TENM2: variants seen among roughly 807,000 people sequenced by gnomAD.
The protein encoded by TENM2 is teneurin-2.
TENM2 carries 52 observed loss-of-function variants against 245.2 expected under a neutral mutation model. That is an observed-to-expected ratio of 0.21 (90% CI 0.17 to 0.27). The LOEUF (loss-of-function observed/expected upper bound fraction) is 0.27, where lower values mean the gene tolerates loss of function less well. Among genes scored for constraint, TENM2 ranks in the 10% least tolerant of loss-of-function variants. The pLI is 1.00. For synonymous variants in TENM2, 1,363 were observed against 1,438.9 expected (o/e 0.95, Z 1.19); for missense variants, 3,046 against 3,666.8 (o/e 0.83, Z 4.37).
At chr5:167,892,534 A>G (rs1774846132) in intron 3 of TENM2, among the ~76,000 whole-genome samples, 2 of 152,222 alleles carry the variant, frequency 1.3e-5, no homozygotes, top group African/African-American at 4.8e-5. Flanking sequence ...ACAGAATGGC[A>G]TGGCATATGC....
the TENM2 span, among the ~76,000 whole-genome samples, chr5:167,032,418 A>AT: frequency 6.6e-6 from 1 of 152,022 alleles, no homozygotes; most frequent in Non-Finnish European, 1.5e-5. Flanking sequence ...GGTAGGAGGG[A>AT]TTTTTGAAGG....
chr5:167,583,755 T>C (rs1170701534), intron 2 of TENM2, among the ~76,000 whole-genome samples: 4 of 152,156 alleles, frequency 2.6e-5, no homozygotes. Flanking sequence ...ATACAGCATC[T>C]CCCCTGCCTC....
chr5:167,881,525 C>G (rs1167092597), intron 3 of TENM2, among the ~76,000 whole-genome samples: 1 of 152,136 alleles, frequency 6.6e-6, no homozygotes, highest in Admixed American at 6.5e-5. Context: ...ATTTTTCACT[C>G]TTGATTTTGG....
chr5:168,261,333 C>T (rs540784186), intron 28 of TENM2, among the ~76,000 whole-genome samples: 11 of 152,286 alleles, frequency 7.2e-5, no homozygotes, highest in African/African-American at 2.6e-4. Context: ...TGCCTCAAAG[C>T]CAGGGGATAT....
At chr5:167,381,889 A>C (rs1761114686) in intron 2 of TENM2, among the ~76,000 whole-genome samples, 1 of 152,176 alleles carries the variant, frequency 6.6e-6, no homozygotes, top group African/African-American at 2.4e-5. Context: ...CTAAATTTCT[A>C]AAATGGTTTT....
At chr5:167,837,608 T>C (rs190961466) in intron 2 of TENM2, among the ~76,000 whole-genome samples, 3 of 152,360 alleles carry the variant, frequency 2.0e-5, no homozygotes, top group African/African-American at 7.2e-5. Flanking sequence ...GTGAATGGCA[T>C]GTTCACCCCA....
the TENM2 span, among the ~76,000 whole-genome samples, chr5:167,140,786 CA>C: frequency 6.6e-6 from 1 of 152,034 alleles, no homozygotes; most frequent in Non-Finnish European, 1.5e-5. Context: ...CAAGGCTTCA[CA>C]AGATGAGAGA....
intron 24 of TENM2, among the ~76,000 whole-genome samples, chr5:168,226,729 C>CTCTT (rs1231393327): frequency 6.6e-6 from 1 of 152,190 alleles, no homozygotes; most frequent in Non-Finnish European, 1.5e-5. Flanking sequence ...GGGACTGGAG[C>CTCTT]TCTTTAACAT....
intron 3 of TENM2, among the ~76,000 whole-genome samples, chr5:167,914,860 G>T (rs770183941): frequency 2.6e-5 from 4 of 152,066 alleles, no homozygotes; most frequent in Non-Finnish European, 5.9e-5. Context: ...GCATCTTTAC[G>T]TGGCTGTCTT....
At chr5:168,120,875 C>A (rs1795421286) in intron 10 of TENM2, among the ~76,000 whole-genome samples, 1 of 152,154 alleles carries the variant, frequency 6.6e-6, no homozygotes. Context: ...GTTTTTCCTG[C>A]ATAAACATGG....
the TENM2 span, among the ~76,000 whole-genome samples, chr5:167,056,846 C>A: frequency 6.6e-6 from 1 of 151,342 alleles, no homozygotes; most frequent in East Asian, 1.9e-4. Flanking sequence ...GTTTTCCAAG[C>A]TTCCTGGGTC....
chr5:167,707,138 TG>T (rs1341214029), intron 2 of TENM2, among the ~76,000 whole-genome samples: 5 of 152,224 alleles, frequency 3.3e-5, no homozygotes, highest in Admixed American at 6.5e-5. Context: ...AGTGTGGTTT[TG>T]ATTTGTATTT....
At chr5:167,278,225 G>T in the TENM2 span, among the ~76,000 whole-genome samples, 2 of 152,274 alleles carry the variant, frequency 1.3e-5, no homozygotes, top group African/African-American at 4.8e-5. Context: ...GATCGCTTGT[G>T]TCTGGGAAGT....
chr5:167,676,856 G>A (rs954957030), intron 2 of TENM2, among the ~76,000 whole-genome samples: 1 of 152,036 alleles, frequency 6.6e-6, no homozygotes, highest in African/African-American at 2.4e-5. Context: ...ATTATACTGG[G>A]TCTTTCTTTG....
At chr5:167,274,350 T>C in the TENM2 span, among the ~76,000 whole-genome samples, 1 of 152,294 alleles carries the variant, frequency 6.6e-6, no homozygotes, top group East Asian at 1.9e-4. Flanking sequence ...TCCTTTTCAC[T>C]GCTAAGCAGT....
At chr5:167,526,820 T>G (rs1382645301) in intron 2 of TENM2, among the ~76,000 whole-genome samples, 2 of 152,106 alleles carry the variant, frequency 1.3e-5, no homozygotes, top group African/African-American at 2.4e-5. Flanking sequence ...GAAATCTCAT[T>G]CAGTGTCTGT....
At chr5:167,173,981 T>C in the TENM2 span, among the ~76,000 whole-genome samples, 26 of 152,172 alleles carry the variant, frequency 1.7e-4, no homozygotes. Flanking sequence ...AAAAATATAA[T>C]AATGTAGAGA....
intron 2 of TENM2, among the ~76,000 whole-genome samples, chr5:167,655,276 G>A (rs1277539117): frequency 1.3e-5 from 2 of 151,372 alleles, no homozygotes; most frequent in African/African-American, 4.9e-5. Context: ...AAGTAATAAG[G>A]CATAAATAAA....
chr5:167,015,434 A>G, the TENM2 span, among the ~76,000 whole-genome samples: 1 of 152,178 alleles, frequency 6.6e-6, no homozygotes, highest in Non-Finnish European at 1.5e-5. Context: ...ATCACCTTTT[A>G]AACAAGGCAC....
Sources: allele counts gnomAD v4.1 joint callset (sites outside exome capture counted in the v4.1 genomes callset), GRCh38; gene constraint gnomAD v4.1.1; transcripts MANE v1.5; gene names NCBI Gene and HGNC (gene_info 2026-07-23, HGNC 2026-07-21).